LACC1: variants seen among roughly 807,000 people sequenced by gnomAD.
The protein encoded by LACC1 is purine nucleoside phosphorylase LACC1.
Under a neutral mutation model 34.8 loss-of-function variants are expected in LACC1, and 25 were observed. The ratio of observed to expected loss-of-function variants is 0.72; its 90% CI spans 0.52 to 1.00. LACC1 has a LOEUF of 1.00. Among genes scored for constraint, LACC1 ranks in the 50% least tolerant of loss-of-function variants. The pLI, the probability that LACC1 is intolerant of heterozygous loss-of-function variation, is 0.00. For missense variants in LACC1, 426 were observed against 511.2 expected (o/e 0.83, Z 1.61); for synonymous variants, 162 against 168.0 (o/e 0.96, Z 0.28).
rs114697623 is a variant in LACC1 at position 43,882,992 on chromosome 13, A to G, written c.741+629A>G. The stretch of plus-strand genomic sequence containing the variant: ...ACACACACGTACTCATGCTGGGACC[A>G]TGTAGACACCCCAATTCATCTAACA... On this transcript the variant is annotated intron_variant, in intron 3 of 6. Transcript: ENST00000325686. Among the ~76,000 whole-genome samples the G allele has an allele frequency of 9.0e-3, 1,371 of 152,226 alleles. 16 individuals are homozygous for G. The highest frequency in any genetic ancestry group is 0.03 in the African/African-American group (1,234 of 41,534).
intron 6 of LACC1, among the ~76,000 whole-genome samples, chr13:43,890,480 T>A (rs1161004747): frequency 6.6e-6 from 1 of 152,214 alleles, no homozygotes; most frequent in Admixed American, 6.5e-5. Flanking sequence ...GGTAGCAACG[T>A]TCATTTCCAA....
At chr13:43,879,746 G>C (rs1954836632), upstream of LACC1, 1 of 151,532 alleles carries the variant, frequency 6.6e-6, no homozygotes, top group African/African-American at 2.5e-5. Context: ...TAGGTGAGGT[G>C]AGGCGGGGCG....
chr13:43,879,510 C>G (rs1490906409), upstream of LACC1: 1 of 152,416 alleles, frequency 6.6e-6, no homozygotes, highest in East Asian at 1.9e-4. Context: ...CGCGGACCGC[C>G]CAGACCCGGA....
chr13:43,888,864 G>A lies in LACC1; in HGVS notation c.1015G>A (p.Gly339Arg). The A allele has an allele frequency of 6.2e-7, 1 of 1,613,794 alleles. No homozygotes were observed. The highest frequency in any genetic ancestry group is 8.5e-7 in the Non-Finnish European group (1 of 1,179,786). Residue 339 changes from glycine (G) to arginine (R), a missense_variant, in exon 5 of 7, where the codon GGA becomes AGA. Gly to Arg is a moderately radical substitution (Grantham distance 125, BLOSUM62 -2). Transcript: ENST00000325686. ...TGTTGTTGTACTTGGACCTTCAGTA[G>A]GACCTTGCTGTTTTACTCTTCCAAG... ...DIVVVLGPSV[G>R]PCCFTLPRES... is the part of the protein sequence containing the mutation.
chr13:43,889,630 G>A lies in LACC1; in HGVS notation c.1134-484G>A, dbSNP rs574555517. ...AAAAGTTTGAAATTGATTCTTAAAT[G>A]TGACTTTTAAAATCAAGTATCACTA... On this transcript the variant is annotated intron_variant, in intron 5 of 6. Transcript: ENST00000325686. 3.3e-5 allele frequency among the ~76,000 whole-genome samples: 5 copies of A among 152,306 alleles called. No individual in the cohort carries two copies. In the East Asian group the frequency reaches 7.7e-4, roughly 24 times the overall value.
chr13:43,889,110 A>G (rs1955457201), intron 5 of LACC1, 128 bp downstream of exon 5: 1 of 675,424 alleles, frequency 1.5e-6, no homozygotes, highest in Non-Finnish European at 2.6e-6. Context: ...GCTGACATGC[A>G]CATGTACACA....
intron 4 of LACC1, 70 bp from the exon 5 acceptor site, chr13:43,888,687 T>G (rs1171014478): frequency 1.7e-6 from 2 of 1,166,482 alleles, no homozygotes; most frequent in Admixed American, 1.8e-5. Context: ...CACTTTTAAC[T>G]TAGACATAAA....
intron 2 of LACC1, 85 bp from the exon 3 acceptor site, chr13:43,882,100 A>G: frequency 1.0e-6 from 1 of 962,054 alleles, no homozygotes; most frequent in East Asian, 2.5e-5. Context: ...TAACAAGGGC[A>G]GGTAGCAGTG....
At position 43,882,660 on chromosome 13, in the gene LACC1, A is replaced by G. The variant is rs567147870; in HGVS notation, c.741+297A>G. ...AAATTGTGACTTTAAGTGAAACGACATAATAAAACCAATTTTACCATAGGC... is the reference window on the plus strand; with the variant it reads ...AAATTGTGACTTTAAGTGAAACGACGTAATAAAACCAATTTTACCATAGGC... On this transcript the variant is annotated intron_variant, in intron 3 of 6. Transcript: ENST00000325686. Among the ~76,000 whole-genome samples, 43 of 151,454 alleles carry G rather than the reference A, an allele frequency of 2.8e-4. No homozygotes were observed. The South Asian group carries it at 4.0e-3, about 14-fold the overall frequency.
At chr13:43,888,211 T>C (rs2138349918) in intron 4 of LACC1, among the ~76,000 whole-genome samples, 1 of 152,262 alleles carries the variant, frequency 6.6e-6, no homozygotes, top group Admixed American at 6.5e-5. Flanking sequence ...ATAAATACTG[T>C]ATTGATTTCA....
chr13:43,882,085 C>A, intron 2 of LACC1, 100 bp from the exon 3 acceptor site: 3 of 837,236 alleles, frequency 3.6e-6, no homozygotes, highest in South Asian at 2.0e-5. Flanking sequence ...AAATTAGAAG[C>A]CAAATAACAA....
At chr13:43,889,071 G>C in intron 5 of LACC1, 89 bp downstream of exon 5, 1 of 1,057,398 alleles carries the variant, frequency 9.5e-7, no homozygotes, top group East Asian at 2.4e-5. Context: ...ATAACTCTAA[G>C]AAGAATTTAG....
At chr13:43,890,057 G>A (rs1331912761) in intron 5 of LACC1, 57 bp from the exon 6 acceptor site, 3 of 1,441,884 alleles carry the variant, frequency 2.1e-6, no homozygotes, top group Non-Finnish European at 2.8e-6. Context: ...TTTTCATATT[G>A]CTTTGGCTAT....
At chr13:43,889,454 G>A (rs558618066) in intron 5 of LACC1, among the ~76,000 whole-genome samples, 37 of 151,986 alleles carry the variant, frequency 2.4e-4, no homozygotes, top group Admixed American at 5.2e-4. Flanking sequence ...ACAGTTCTTC[G>A]CATCTTTTAA....
intron 3 of LACC1, 104 bp downstream of exon 3, chr13:43,882,467 C>A (rs2138283385): frequency 1.3e-6 from 1 of 791,922 alleles, no homozygotes; most frequent in Non-Finnish European, 1.9e-6. Flanking sequence ...GCTTTTTTAT[C>A]TAAAGTTTTA....
rs1218568867 is a variant in LACC1, at chr13:43,881,054, A to G, written c.69A>G (p.Thr23=). 5 of 1,614,092 alleles carry G rather than the reference A, an allele frequency of 3.1e-6. No homozygotes were observed. Among genetic ancestry groups the G allele is most frequent in the Non-Finnish European group, 3.4e-6 (4 of 1,180,028 alleles). ...KLNSQKNCHQ[T]LLKTLNAVQY... ...ACTCTCAAAAAAACTGCCATCAGAC[A>G]TTACTGAAGACTTTGAATGCTGTCC... Residue 23 remains threonine, a synonymous_variant, in exon 2 of 7, where the codon ACA becomes ACG. Coordinates refer to ENST00000325686, the MANE Select transcript of LACC1 (RefSeq NM_153218.4).
intron 5 of LACC1, chr13:43,889,858 T>G (rs1301899017): frequency 2.5e-6 from 1 of 398,336 alleles, no homozygotes; most frequent in African/African-American, 2.1e-5. Context: ...ATTATAAAAT[T>G]CTGTACCTAG....
chr13:43,891,822 A>G lies in LACC1; in HGVS notation c.*375A>G, dbSNP rs1594904675. On this transcript the variant is annotated 3_prime_UTR_variant, in exon 7 of 7. Coordinates refer to ENST00000325686, the MANE Select transcript of LACC1 (RefSeq NM_153218.4). ...CACAACTTTTTCCTTTGAGTCTGAT[A>G]CAGTGAAGGAGATAAACACTTCTAC... 2 of 152,696 alleles carry G rather than the reference A, an allele frequency of 1.3e-5. No individual in the cohort carries two copies. Among genetic ancestry groups the G allele is most frequent in the African/African-American group, 2.4e-5 (1 of 41,480 alleles). 9.5% of individuals were successfully genotyped at this position (152,696 alleles called of 1,614,324 possible). A position where few individuals can be genotyped will look rare whatever the true frequency, so the allele number is the denominator to read the frequency against.
intron 5 of LACC1, among the ~76,000 whole-genome samples, chr13:43,889,564 A>G (rs1955479383): frequency 6.6e-6 from 1 of 152,222 alleles, no homozygotes; most frequent in African/African-American, 2.4e-5. Flanking sequence ...TCCAGTCGCC[A>G]AAACTTTACC....
Sources: allele counts gnomAD v4.1 joint callset (sites outside exome capture counted in the v4.1 genomes callset), GRCh38; gene constraint gnomAD v4.1.1; transcripts MANE v1.5; gene names NCBI Gene and HGNC (gene_info 2026-07-23, HGNC 2026-07-21).